The following CILK1 variants were observed in gnomAD, a reference collection of about 807,000 sequenced individuals.
CILK1 encodes the protein ciliogenesis associated kinase 1.
CILK1 carries 47 observed loss-of-function variants against 79.2 expected under a neutral mutation model. That is an observed-to-expected ratio of 0.59 (90% CI 0.47 to 0.76). The LOEUF is 0.76. Ranked by LOEUF, CILK1 falls within the 30% of genes least tolerant of loss-of-function variation. The probability of loss-of-function intolerance (pLI) is 0.00; values close to 1 mark genes in which losing one functional copy is unlikely to be tolerated. For missense variants in CILK1, 660 were observed against 769.5 expected (o/e 0.86, Z 1.68); for synonymous variants, 266 against 275.9 (o/e 0.96, Z 0.36).
rs376470754 is a variant in CILK1 at position 53,006,820 on chromosome 6, C to A, written c.1622-383G>T. Among the ~76,000 whole-genome samples the A allele has an allele frequency of 3.9e-5, 6 of 152,296 alleles. No individual in the cohort carries two copies. The South Asian group carries it at 6.2e-4, about 16-fold the overall frequency. Reference sequence around the variant, plus strand: ...CCTTCCATGTGAGTACATATAAATTCTAGAGTATGGCTAAACCATAATCCA... The same window carrying A: ...CCTTCCATGTGAGTACATATAAATTATAGAGTATGGCTAAACCATAATCCA... On this transcript the variant is annotated intron_variant, in intron 12 of 13. Coordinates refer to ENST00000676107, the MANE Select transcript of CILK1 (RefSeq NM_014920.5).
At chr6:53,058,527 C>T (rs368472943) in intron 1 of CILK1, among the ~76,000 whole-genome samples, 90 of 152,178 alleles carry the variant, frequency 5.9e-4, no homozygotes, top group African/African-American at 1.9e-3. Context: ...AATCCCAAAA[C>T]GTGTATAAGT....
At chr6:53,057,002 A>G (rs1010118349) in intron 1 of CILK1, among the ~76,000 whole-genome samples, 1 of 152,142 alleles carries the variant, frequency 6.6e-6, no homozygotes, top group African/African-American at 2.4e-5. Context: ...TATATCTTAC[A>G]TTTTTCTTAC....
intron 1 of CILK1, among the ~76,000 whole-genome samples, chr6:53,057,192 G>T (rs1391776510): frequency 6.6e-6 from 1 of 152,000 alleles, no homozygotes; most frequent in African/African-American, 2.4e-5. Context: ...TTCCTTTCCG[G>T]TTCTCAGGCA....
chr6:53,005,445 C>T, intron 13 of CILK1, 142 bp from the exon 14 acceptor site: 4 of 938,082 alleles, frequency 4.3e-6, no homozygotes, highest in Non-Finnish European at 6.7e-6. Context: ...ATCTTCTCTA[C>T]TGCAGTTAAA....
At chr6:53,009,630 A>G in intron 11 of CILK1, 63 bp from the exon 12 acceptor site, 1 of 1,390,572 alleles carries the variant, frequency 7.2e-7, no homozygotes, top group Admixed American at 1.7e-5. Flanking sequence ...TAGACTACAA[A>G]GATAAAATTA....
chr6:53,055,552 C>T (rs1293373958), intron 1 of CILK1, among the ~76,000 whole-genome samples: 1 of 152,206 alleles, frequency 6.6e-6, no homozygotes, highest in Non-Finnish European at 1.5e-5. Context: ...GCTATTGCAT[C>T]AACTGGATGT....
intron 12 of CILK1, among the ~76,000 whole-genome samples, chr6:53,007,748 G>A (rs1764312133): frequency 6.6e-6 from 1 of 151,184 alleles, no homozygotes; most frequent in Non-Finnish European, 1.5e-5. Context: ...TGGCCAACAT[G>A]GTGAAACCCT....
intron 1 of CILK1, among the ~76,000 whole-genome samples, chr6:53,049,194 C>T (rs1581761093): frequency 6.6e-6 from 1 of 152,240 alleles, no homozygotes; most frequent in African/African-American, 2.4e-5. Context: ...CACTGTTAAT[C>T]TATCCACTAC....
At chr6:53,043,059 T>C (rs1363646452) in intron 1 of CILK1, among the ~76,000 whole-genome samples, 3 of 152,152 alleles carry the variant, frequency 2.0e-5, no homozygotes, top group Admixed American at 6.6e-5. Context: ...CTCATGACTG[T>C]AATCCCAGCA....
intron 1 of CILK1, among the ~76,000 whole-genome samples, chr6:53,052,916 T>G (rs1332467259): frequency 6.6e-6 from 1 of 151,842 alleles, no homozygotes; most frequent in Non-Finnish European, 1.5e-5. Context: ...CAGTCCCCAT[T>G]TTTTGCCTGT....
chr6:53,043,404 C>T (rs1406466019), intron 1 of CILK1, among the ~76,000 whole-genome samples: 1 of 151,986 alleles, frequency 6.6e-6, no homozygotes, highest in Non-Finnish European at 1.5e-5. Flanking sequence ...CTTGAAAAAT[C>T]TTAAGACATA....
chr6:53,026,094 C>T (rs74907096), intron 5 of CILK1, among the ~76,000 whole-genome samples: 5 of 152,282 alleles, frequency 3.3e-5, no homozygotes, highest in East Asian at 1.9e-4. Flanking sequence ...GAAATAATAG[C>T]ATCTACCTAA....
intron 11 of CILK1, among the ~76,000 whole-genome samples, 170 bp downstream of exon 11, chr6:53,011,598 CA>C (rs1188967472): frequency 6.6e-6 from 1 of 150,732 alleles, no homozygotes; most frequent in Non-Finnish European, 1.5e-5. Context: ...GACTCCAACT[CA>C]AAAAAAAAGT....
At chr6:53,024,157 G>A (rs1370920770) in intron 5 of CILK1, among the ~76,000 whole-genome samples, 1 of 152,164 alleles carries the variant, frequency 6.6e-6, no homozygotes, top group Non-Finnish European at 1.5e-5. Context: ...ATATTCCACT[G>A]CTCATTCTTT....
chr6:53,033,006 C>T (rs1402463274), intron 3 of CILK1, among the ~76,000 whole-genome samples: 1 of 152,156 alleles, frequency 6.6e-6, no homozygotes, highest in African/African-American at 2.4e-5. Flanking sequence ...ATAAAAGAAG[C>T]TTAGATTTTT....
At chr6:53,056,804 C>A (rs1371868732) in intron 1 of CILK1, among the ~76,000 whole-genome samples, 1 of 152,202 alleles carries the variant, frequency 6.6e-6, no homozygotes, top group African/African-American at 2.4e-5. Flanking sequence ...AAAAGGCAAT[C>A]CTGACCATAG....
intron 1 of CILK1, among the ~76,000 whole-genome samples, chr6:53,045,343 C>T (rs1388703615): frequency 7.2e-5 from 11 of 152,098 alleles, no homozygotes; most frequent in Non-Finnish European, 1.2e-4. Context: ...TATTTTTTTC[C>T]TATAGCATAC....
intron 1 of CILK1, among the ~76,000 whole-genome samples, chr6:53,052,866 C>T (rs1562047608): frequency 1.3e-5 from 2 of 151,746 alleles, no homozygotes; most frequent in African/African-American, 4.8e-5. Flanking sequence ...AAGAAATGTC[C>T]GTACCTCTTC....
In CILK1 at chr6:53,003,937, T is replaced by C. The variant is rs1272041040; in HGVS notation, c.*1212A>G. On this transcript the variant is annotated 3_prime_UTR_variant, in exon 14 of 14. Coordinates refer to ENST00000676107, the MANE Select transcript of CILK1 (RefSeq NM_014920.5). ...GAGATGGATGAGACTGGACCTTTTG[T>C]CTTTTTCTGTCTCCAAACTGACTTT... 1 of 152,616 alleles carries C rather than the reference T, an allele frequency of 6.6e-6. No homozygotes were observed. The highest frequency in any genetic ancestry group is 1.5e-5 in the Non-Finnish European group (1 of 68,026). The allele number at this position is 152,616 out of a possible 1,614,324, so 9.5% of individuals were successfully genotyped here.
Sources: gnomAD v4.1 joint callset for allele counts (sites outside exome capture counted in the v4.1 genomes callset) on GRCh38, gnomAD v4.1.1 for gene constraint, MANE v1.5 for transcripts, NCBI Gene and HGNC (gene_info 2026-07-23, HGNC 2026-07-21) for gene names.